Variants in CFAP61 observed in about 807,000 individuals in gnomAD.
CFAP61 encodes the protein cilia and flagella associated protein 61.
CFAP61 carries 107 observed loss-of-function variants against 135.6 expected under a neutral mutation model. The observed-to-expected ratio is 0.79, with a 90% CI of 0.67 to 0.93. CFAP61 has a LOEUF of 0.93. CFAP61 is among the 40% of genes least tolerant of loss of function. The probability of loss-of-function intolerance (pLI) is 0.00; values close to 1 mark genes in which losing one functional copy is unlikely to be tolerated. For synonymous variants in CFAP61, 575 were observed against 578.5 expected (o/e 0.99, Z 0.09); for missense variants, 1,507 against 1,556.2 (o/e 0.97, Z 0.53).
At chr20:20,053,821 T>C (rs1223038440) in intron 1 of CFAP61, among the ~76,000 whole-genome samples, 1 of 152,172 alleles carries the variant, frequency 6.6e-6, no homozygotes, top group African/African-American at 2.4e-5. Context: ...AAGATGTTTC[T>C]TTGAAGTGAT....
chr20:20,204,239 G>A (rs955742122), intron 17 of CFAP61, among the ~76,000 whole-genome samples: 9 of 152,012 alleles, frequency 5.9e-5, no homozygotes, highest in Non-Finnish European at 8.8e-5. Flanking sequence ...TTTTTTTCTG[G>A]TTGCTTATTA....
intron 25 of CFAP61, among the ~76,000 whole-genome samples, chr20:20,301,622 T>C (rs181748047): frequency 6.6e-6 from 1 of 152,340 alleles, no homozygotes; most frequent in East Asian, 1.9e-4. Flanking sequence ...CCCCACTTAA[T>C]GATGCCTTTT....
Position 20,169,430 on chromosome 20 carries a change from T to C in CFAP61, c.1355T>C (p.Leu452Pro). The change falls in exon 13 of 27, where the codon CTC (leucine) becomes CCC (proline). Residue 452 changes from leucine (L) to proline (P), a missense_variant. Transcript: ENST00000245957. Reference sequence around the variant, plus strand: ...AACACCTGCACCCTCGAGCAGGACCTCTACGTCTTCCACCGGGCTGGATTG... The same window carrying C: ...AACACCTGCACCCTCGAGCAGGACCCCTACGTCTTCCACCGGGCTGGATTG... Reference protein sequence around the residue: ...PFNTCTLEQDLYVFHRAGLLK... With the variant: ...PFNTCTLEQDPYVFHRAGLLK... 6.2e-7 allele frequency: 1 copy of C among 1,613,880 alleles called. No individual in the cohort carries two copies. The highest frequency in any genetic ancestry group is 8.5e-7 in the Non-Finnish European group (1 of 1,179,868).
At chr20:20,059,119 A>C (rs1226091674) in intron 2 of CFAP61, among the ~76,000 whole-genome samples, 1 of 152,012 alleles carries the variant, frequency 6.6e-6, no homozygotes, top group Admixed American at 6.6e-5. Context: ...TCACGAGGTC[A>C]AGAGATTAAG....
At chr20:20,145,324 A>T (rs1470844468) in intron 9 of CFAP61, among the ~76,000 whole-genome samples, 1 of 152,202 alleles carries the variant, frequency 6.6e-6, no homozygotes, top group African/African-American at 2.4e-5. Flanking sequence ...ATATCACCTA[A>T]TGACAGTCTG....
chr20:20,144,164 A>G (rs2051661477), intron 9 of CFAP61, among the ~76,000 whole-genome samples: 2 of 152,182 alleles, frequency 1.3e-5, no homozygotes, highest in Admixed American at 6.5e-5. Context: ...ATTACTTGGC[A>G]CCCACCAAGA....
intron 25 of CFAP61, among the ~76,000 whole-genome samples, chr20:20,326,369 A>G (rs1026531458): frequency 4.6e-5 from 7 of 152,198 alleles, no homozygotes; most frequent in Non-Finnish European, 8.8e-5. Flanking sequence ...AAGAAGAATA[A>G]CAAAATTCTT....
chr20:20,242,408 A>G (rs1447681256), intron 18 of CFAP61, among the ~76,000 whole-genome samples: 1 of 152,240 alleles, frequency 6.6e-6, no homozygotes, highest in African/African-American at 2.4e-5. Flanking sequence ...GCAAACACGG[A>G]GTGAGCCTTG....
intron 25 of CFAP61, among the ~76,000 whole-genome samples, chr20:20,324,270 C>A (rs2057664784): frequency 6.6e-6 from 1 of 152,134 alleles, no homozygotes; most frequent in Non-Finnish European, 1.5e-5. Flanking sequence ...CACCACCCAA[C>A]TGAACTTTTC....
intron 13 of CFAP61, among the ~76,000 whole-genome samples, chr20:20,177,776 G>A (rs1195432794): frequency 1.3e-4 from 18 of 140,962 alleles, no homozygotes; most frequent in African/African-American, 4.9e-4. Context: ...TAGCAGGTGT[G>A]GAGAGGGGAT....
intron 13 of CFAP61, among the ~76,000 whole-genome samples, chr20:20,177,290 A>G (rs1205643276): frequency 6.7e-6 from 1 of 150,184 alleles, no homozygotes; most frequent in African/African-American, 2.5e-5. Context: ...TAGGTTAACG[A>G]TGAGAATGCT....
At chr20:20,189,862 T>G (rs1371488062) in intron 14 of CFAP61, among the ~76,000 whole-genome samples, 1 of 152,226 alleles carries the variant, frequency 6.6e-6, no homozygotes, top group African/African-American at 2.4e-5. Context: ...TGGCGCGACC[T>G]TGGCTCACTG....
chr20:20,164,592 C>A (rs1397935972), intron 11 of CFAP61, among the ~76,000 whole-genome samples: 1 of 152,040 alleles, frequency 6.6e-6, no homozygotes, highest in African/African-American at 2.4e-5. Context: ...GAAATCCAAC[C>A]AAACTGGCTT....
chr20:20,273,784 G>T (rs369921982), intron 21 of CFAP61, among the ~76,000 whole-genome samples: 3 of 152,194 alleles, frequency 2.0e-5, no homozygotes, highest in Non-Finnish European at 4.4e-5. Context: ...CATGGTGAGT[G>T]CTGGGAAGGA....
chr20:20,106,168 T>C (rs545534866), intron 8 of CFAP61, among the ~76,000 whole-genome samples: 73 of 151,892 alleles, frequency 4.8e-4, no homozygotes, highest in African/African-American at 1.7e-3. Flanking sequence ...GAGTTTAGAC[T>C]CTTTCAGGGC....
At chr20:20,328,041 G>A (rs1266219870) in intron 25 of CFAP61, among the ~76,000 whole-genome samples, 2 of 152,174 alleles carry the variant, frequency 1.3e-5, no homozygotes, top group Admixed American at 6.5e-5. Flanking sequence ...GCCAGCTGTG[G>A]TTGTGCAGGC....
chr20:20,255,553 A>C (rs967006238), intron 20 of CFAP61, among the ~76,000 whole-genome samples: 6 of 152,152 alleles, frequency 3.9e-5, no homozygotes, highest in African/African-American at 1.4e-4. Flanking sequence ...AGACTGGGTC[A>C]GTAATAGTGT....
intron 8 of CFAP61, among the ~76,000 whole-genome samples, chr20:20,122,144 C>CTTT (rs1325605667): frequency 6.8e-6 from 1 of 146,874 alleles, no homozygotes; most frequent in Admixed American, 6.9e-5. Context: ...TTGTGTCATT[C>CTTT]TTTTTTGTTG....
At chr20:20,295,605 T>G (rs2055367103) in intron 24 of CFAP61, among the ~76,000 whole-genome samples, 1 of 152,204 alleles carries the variant, frequency 6.6e-6, no homozygotes. Context: ...TCAAGTCTTG[T>G]GTTTAATTTA....
Sources: gnomAD v4.1 joint callset for allele counts (sites outside exome capture counted in the v4.1 genomes callset) on GRCh38, gnomAD v4.1.1 for gene constraint, MANE v1.5 for transcripts, NCBI Gene and HGNC (gene_info 2026-07-23, HGNC 2026-07-21) for gene names.